ERI1: variants seen among roughly 807,000 people sequenced by gnomAD.
ERI1 encodes the protein 3'-5' exoribonuclease 1.
Under a neutral mutation model 39.7 loss-of-function variants are expected in ERI1, and 39 were observed. That is an observed-to-expected ratio of 0.98 (90% CI 0.76 to 1.28). The LOEUF (loss-of-function observed/expected upper bound fraction) is 1.28. Ranked by LOEUF, ERI1 falls within the 50% of genes most tolerant of loss-of-function variation. ERI1 has a pLI of 0.00. For synonymous variants in ERI1, 204 were observed against 149.6 expected (o/e 1.36, Z -2.65); for missense variants, 581 against 416.9 (o/e 1.39, Z -3.43).
chr8:9,057,696 A>G (rs992094056), intron 3 of ERI1, among the ~76,000 whole-genome samples: 1 of 117,742 alleles, frequency 8.5e-6, no homozygotes, highest in Non-Finnish European at 1.9e-5. Context: ...TCTGTTGTCA[A>G]ATAAATTAAA....
chr8:9,028,714 C>G (rs1169459020), intron 6 of ERI1, among the ~76,000 whole-genome samples: 1 of 152,104 alleles, frequency 6.6e-6, no homozygotes, highest in Non-Finnish European at 1.5e-5. Flanking sequence ...ACCTCTGCCT[C>G]CCGGGTTCAA....
intron 3 of ERI1, among the ~76,000 whole-genome samples, chr8:9,055,467 A>G (rs186403050): frequency 3.2e-4 from 49 of 152,244 alleles, no homozygotes; most frequent in Non-Finnish European, 2.9e-5. Flanking sequence ...CGTTTGCAGC[A>G]TTTCTTCTTC....
At chr8:9,061,135 T>C (rs1798681616) in intron 3 of ERI1, among the ~76,000 whole-genome samples, 2 of 152,178 alleles carry the variant, frequency 1.3e-5, no homozygotes, top group South Asian at 2.1e-4. Flanking sequence ...GAAGATACTA[T>C]AGCATAGCCT....
intron 3 of ERI1, among the ~76,000 whole-genome samples, chr8:9,049,482 A>G (rs1207305148): frequency 6.6e-6 from 1 of 151,846 alleles, no homozygotes; most frequent in African/African-American, 2.4e-5. Context: ...GAGTCCTGCA[A>G]CTAGACCTTT....
rs1817519345 is a variant in ERI1, at chr8:9,018,327, C to T, written c.613C>T (p.Gln205Ter). 1 of 1,612,160 alleles carries T rather than the reference C, an allele frequency of 6.2e-7. No homozygotes were observed. The highest frequency in any genetic ancestry group is 8.5e-7 in the Non-Finnish European group (1 of 1,178,666). Residue 205 changes from glutamine to a stop codon, truncating the protein, a stop_gained, in exon 5 of 7, where the codon CAG becomes TAG. Coordinates refer to ENST00000250263, the MANE Select transcript of ERI1 (RefSeq NM_153332.4). LOFTEE classifies it high-confidence loss of function. ...GGTAGACAGAGCTGATACCTTCCCT[C>T]AGGTACTAAAAAAAGTAATTGACTG... Reference protein sequence around the residue: ...DQVDRADTFPQVLKKVIDWMK... With the variant: ...DQVDRADTFP
chr8:9,095,025 T>G (rs1799833081), intron 3 of ERI1, among the ~76,000 whole-genome samples: 1 of 152,120 alleles, frequency 6.6e-6, no homozygotes, highest in South Asian at 2.1e-4. Flanking sequence ...AGGTGGGATA[T>G]GAATCCTGCC....
chr8:9,004,485 C>CTTGTTTTTTTTTTTT (rs1815744662), intron 1 of ERI1, among the ~76,000 whole-genome samples: 4 of 78,328 alleles, frequency 5.1e-5, no homozygotes, highest in African/African-American at 2.0e-4. Flanking sequence ...TATAGTGATA[C>CTTGTTTTTTTTTTTT]TTTTTTTTTT....
intron 3 of ERI1, among the ~76,000 whole-genome samples, chr8:9,043,530 C>T (rs901366539): frequency 1.3e-5 from 2 of 152,228 alleles, no homozygotes; most frequent in African/African-American, 4.8e-5. Flanking sequence ...ATCTTTTCAT[C>T]ATCCATGATA....
intron 6 of ERI1, among the ~76,000 whole-genome samples, chr8:9,028,102 G>A (rs188037756): frequency 8.4e-4 from 128 of 152,316 alleles, no homozygotes; most frequent in Non-Finnish European, 1.4e-3. Context: ...AATGAGTTGG[G>A]AAGTATTTCT....
At chr8:9,059,170 A>G (rs190971074) in intron 3 of ERI1, among the ~76,000 whole-genome samples, 3 of 152,182 alleles carry the variant, frequency 2.0e-5, no homozygotes, top group East Asian at 1.9e-4. Context: ...TCACAAGACA[A>G]TGTCATCAGT....
intron 6 of ERI1, among the ~76,000 whole-genome samples, chr8:9,022,762 T>C (rs1015870090): frequency 5.3e-5 from 8 of 152,194 alleles, no homozygotes; most frequent in South Asian, 2.1e-4. Flanking sequence ...AATTGTGTTA[T>C]GGAAAATTTC....
intron 3 of ERI1, among the ~76,000 whole-genome samples, chr8:9,058,281 G>A (rs1472229319): frequency 6.6e-6 from 1 of 152,200 alleles, no homozygotes; most frequent in Admixed American, 6.5e-5. Flanking sequence ...CTGAGAGAAA[G>A]GGTGGAGCCA....
At chr8:9,061,023 C>T (rs551175087) in intron 3 of ERI1, among the ~76,000 whole-genome samples, 32 of 152,166 alleles carry the variant, frequency 2.1e-4, no homozygotes, top group Non-Finnish European at 2.6e-4. Context: ...AATATTGACG[C>T]GTAGTCCTTT....
intron 2 of ERI1, among the ~76,000 whole-genome samples, chr8:9,009,856 G>A (rs1816479403): frequency 6.6e-6 from 1 of 152,154 alleles, no homozygotes; most frequent in Non-Finnish European, 1.5e-5. Context: ...AGTATATTTT[G>A]TCTGCAGTAC....
At chr8:9,029,247 A>G (rs1326755298) in intron 6 of ERI1, among the ~76,000 whole-genome samples, 1 of 152,196 alleles carries the variant, frequency 6.6e-6, no homozygotes, top group Non-Finnish European at 1.5e-5. Flanking sequence ...TTTTTAAATT[A>G]AAAAACTGCA....
intron 3 of ERI1, among the ~76,000 whole-genome samples, chr8:9,093,648 AC>A (rs1272135658): frequency 6.6e-6 from 1 of 152,066 alleles, no homozygotes; most frequent in Non-Finnish European, 1.5e-5. Flanking sequence ...GCTCACTGCA[AC>A]CTCTGCCTCC....
chr8:9,020,001 T>C (rs1817713486), intron 5 of ERI1, among the ~76,000 whole-genome samples: 1 of 152,174 alleles, frequency 6.6e-6, no homozygotes, highest in South Asian at 2.1e-4. Flanking sequence ...TTGTTTTTGG[T>C]TTTATTTCAA....
intron 3 of ERI1, among the ~76,000 whole-genome samples, chr8:9,038,635 T>C (rs968096874): frequency 1.6e-4 from 24 of 152,150 alleles, no homozygotes; most frequent in Non-Finnish European, 3.1e-4. Flanking sequence ...CACAAGCCTG[T>C]AGTCCCATCT....
chr8:9,074,794 T>C (rs1799156752), intron 3 of ERI1, among the ~76,000 whole-genome samples: 1 of 152,214 alleles, frequency 6.6e-6, no homozygotes, highest in Non-Finnish European at 1.5e-5. Context: ...ATTTCCTTTT[T>C]AAAAATTTCT....
Sources: allele counts gnomAD v4.1 joint callset (sites outside exome capture counted in the v4.1 genomes callset), GRCh38; gene constraint gnomAD v4.1.1; transcripts MANE v1.5; gene names NCBI Gene and HGNC (gene_info 2026-07-23, HGNC 2026-07-21).